Variants in TMEM178B observed in about 807,000 individuals in gnomAD.
TMEM178B encodes the protein transmembrane protein 178B.
TMEM178B carries 5 observed loss-of-function variants against 31.0 expected under a neutral mutation model. The observed-to-expected ratio is 0.16, with a 90% CI of 0.08 to 0.34. The LOEUF (loss-of-function observed/expected upper bound fraction) is 0.34. TMEM178B is among the 10% of genes least tolerant of loss of function. The probability of loss-of-function intolerance (pLI) is 1.00; values close to 1 mark genes in which losing one functional copy is unlikely to be tolerated. For missense variants in TMEM178B, 275 were observed against 400.3 expected (o/e 0.69, Z 2.67); for synonymous variants, 164 against 164.0 (o/e 1.00, Z 0.00).
At chr7:141,274,228 A>G (rs571044736) in intron 2 of TMEM178B, among the ~76,000 whole-genome samples, 25 of 152,256 alleles carry the variant, frequency 1.6e-4, no homozygotes, top group African/African-American at 5.5e-4. Flanking sequence ...CATCTCTCCC[A>G]CCAAAATATA....
rs116932239 is a variant in TMEM178B at position 141,325,183 on chromosome 7, T to C, written c.497-112425T>C. 6.6e-4 allele frequency among the ~76,000 whole-genome samples: 100 copies of C among 152,308 alleles called. 1 individual carries two copies. Among genetic ancestry groups the C allele is most frequent in the Non-Finnish European group, 1.1e-3 (76 of 68,026 alleles). On this transcript the variant is annotated intron_variant, in intron 2 of 3. Coordinates refer to ENST00000565468, the MANE Select transcript of TMEM178B (RefSeq NM_001195278.2). Reference sequence around the variant, plus strand: ...AAAGTCCTTTACACTTAGCAATTAATGGCATTGATTTGACTGTGCTGTAAT... The same window carrying C: ...AAAGTCCTTTACACTTAGCAATTAACGGCATTGATTTGACTGTGCTGTAAT...
intron 2 of TMEM178B, among the ~76,000 whole-genome samples, chr7:141,224,761 C>T (rs10237579): frequency 0.019 from 2,853 of 152,264 alleles, 87 homozygotes; most frequent in African/African-American, 0.065. Flanking sequence ...CAGGTTCTGG[C>T]AGAAGGAGAA....
intron 2 of TMEM178B, among the ~76,000 whole-genome samples, chr7:141,248,504 T>C (rs981743715): frequency 6.6e-6 from 1 of 152,160 alleles, no homozygotes; most frequent in African/African-American, 2.4e-5. Flanking sequence ...CATCCTGGAG[T>C]GTACTTATAC....
At chr7:141,090,444 G>A (rs764276245) in intron 1 of TMEM178B, among the ~76,000 whole-genome samples, 1 of 152,120 alleles carries the variant, frequency 6.6e-6, no homozygotes, top group African/African-American at 2.4e-5. Flanking sequence ...TAATGTCCTC[G>A]GGTTGTCTTG....
intron 1 of TMEM178B, among the ~76,000 whole-genome samples, chr7:141,154,672 A>G (rs371509428): frequency 3.9e-5 from 6 of 151,922 alleles, no homozygotes; most frequent in African/African-American, 1.2e-4. Flanking sequence ...CTGTTTCTTC[A>G]TGAGTTAGCT....
At chr7:141,093,927 GT>G (rs1237659954) in intron 1 of TMEM178B, among the ~76,000 whole-genome samples, 1 of 152,144 alleles carries the variant, frequency 6.6e-6, no homozygotes, top group African/African-American at 2.4e-5. Context: ...ATTGGAGACG[GT>G]GAGCAAAGAC....
At chr7:141,447,927 G>A (rs1410036646) in intron 3 of TMEM178B, among the ~76,000 whole-genome samples, 2 of 152,064 alleles carry the variant, frequency 1.3e-5, no homozygotes, top group Non-Finnish European at 2.9e-5. Context: ...TGCCCATGAA[G>A]CCAGTTCTGC....
chr7:141,114,325 C>T (rs796966662), intron 1 of TMEM178B, among the ~76,000 whole-genome samples: 3 of 151,386 alleles, frequency 2.0e-5, no homozygotes, highest in East Asian at 1.9e-4. Flanking sequence ...TATATCTCTC[C>T]CTTCAGCTGC....
chr7:141,325,759 T>C (rs928508549), intron 2 of TMEM178B, among the ~76,000 whole-genome samples: 2 of 152,182 alleles, frequency 1.3e-5, no homozygotes, highest in Non-Finnish European at 2.9e-5. Flanking sequence ...CCAAGCAGCT[T>C]TTCCACCTGG....
At chr7:141,093,786 C>T (rs769124600) in intron 1 of TMEM178B, among the ~76,000 whole-genome samples, 5 of 152,078 alleles carry the variant, frequency 3.3e-5, no homozygotes, top group African/African-American at 9.7e-5. Context: ...AAGTGGTCAC[C>T]GCTGTGAAGT....
intron 1 of TMEM178B, among the ~76,000 whole-genome samples, chr7:141,135,504 T>G (rs1308514756): frequency 6.6e-6 from 1 of 152,142 alleles, no homozygotes; most frequent in Non-Finnish European, 1.5e-5. Flanking sequence ...TCAATAAATT[T>G]TAAAAACTCA....
intron 2 of TMEM178B, among the ~76,000 whole-genome samples, chr7:141,404,171 G>T (rs1247822997): frequency 2.0e-5 from 3 of 152,136 alleles, no homozygotes; most frequent in Admixed American, 6.5e-5. Flanking sequence ...TGGGCGTGGT[G>T]GTAGGCACCT....
At chr7:141,207,388 A>G (rs1282269916) in intron 1 of TMEM178B, among the ~76,000 whole-genome samples, 6 of 152,158 alleles carry the variant, frequency 3.9e-5, no homozygotes, top group Admixed American at 6.5e-5. Flanking sequence ...GGCTGCACTG[A>G]TTTACATTCC....
At chr7:141,442,706 A>G (rs897376020) in intron 3 of TMEM178B, among the ~76,000 whole-genome samples, 1 of 152,142 alleles carries the variant, frequency 6.6e-6, no homozygotes, top group Non-Finnish European at 1.5e-5. Context: ...ACCCTTTTAG[A>G]GAGGGCTTTC....
chr7:141,258,795 TCTGG>T, intron 2 of TMEM178B, among the ~76,000 whole-genome samples: 2 of 152,258 alleles, frequency 1.3e-5, no homozygotes, highest in South Asian at 4.1e-4. Context: ...CTCGCTGTCT[TCTGG>T]CCTACTGTTT....
chr7:141,205,686 G>C (rs1796951344), intron 1 of TMEM178B, among the ~76,000 whole-genome samples: 1 of 152,174 alleles, frequency 6.6e-6, no homozygotes. Flanking sequence ...TTTTAGATGG[G>C]CTGAACTTAG....
rs546993353 is a variant in TMEM178B at position 141,311,656 on chromosome 7, C to T, written c.496+98952C>T. Among the ~76,000 whole-genome samples, 7 of 152,304 alleles carry T rather than the reference C, an allele frequency of 4.6e-5. No individual in the cohort carries two copies. In the East Asian group the frequency reaches 1.2e-3, roughly 25 times the overall value. ...TCTACCATTTGTCTTTATGCTTAGA[C>T]ATTTCTTTAAAAAACTATTTTTTTC... On this transcript the variant is annotated intron_variant, in intron 2 of 3. Transcript: ENST00000565468.
intron 2 of TMEM178B, among the ~76,000 whole-genome samples, chr7:141,397,090 C>A (rs963970284): frequency 7.2e-5 from 11 of 152,146 alleles, no homozygotes; most frequent in African/African-American, 2.7e-4. Context: ...ATGGGGTCAG[C>A]TCACGTTCAT....
At chr7:141,290,694 C>T (rs997779131) in intron 2 of TMEM178B, among the ~76,000 whole-genome samples, 4 of 152,226 alleles carry the variant, frequency 2.6e-5, no homozygotes, top group Admixed American at 6.5e-5. Context: ...ATCACCCCAC[C>T]CACAAGATAG....
Sources: gnomAD v4.1 joint callset for allele counts (sites outside exome capture counted in the v4.1 genomes callset) on GRCh38, gnomAD v4.1.1 for gene constraint, MANE v1.5 for transcripts, NCBI Gene and HGNC (gene_info 2026-07-23, HGNC 2026-07-21) for gene names.